YWHAZ: variants seen among roughly 807,000 people sequenced by gnomAD.
The protein encoded by YWHAZ is tyrosine 3-monooxygenase/tryptophan 5-monooxygenase activation protein zeta, also known as 14-3-3 protein zeta/delta.
For missense variants in YWHAZ, 79 were observed against 284.8 expected (o/e 0.28, Z 5.20); for synonymous variants, 87 against 103.6 (o/e 0.84, Z 0.97).
Position 100,927,130 on chromosome 8 carries a change from A to G in YWHAZ, c.295-2091T>C, listed in dbSNP as rs143794099. On this transcript the variant is annotated intron_variant, in intron 2 of 5. Coordinates refer to ENST00000395958, the MANE Select transcript of YWHAZ (RefSeq NM_145690.3). ...TTAAAATTTTATTTCTATTATCACA[A>G]TAACACCAGACACCATGCTAGAAGC... Among the ~76,000 whole-genome samples, 551 of 152,374 alleles carry G rather than the reference A, an allele frequency of 3.6e-3. 6 individuals are homozygous for G. The highest frequency in any genetic ancestry group is 0.012 in the African/African-American group (519 of 41,586).
At chr8:100,932,425 G>C (rs982953014) in intron 2 of YWHAZ, among the ~76,000 whole-genome samples, 1 of 151,814 alleles carries the variant, frequency 6.6e-6, no homozygotes, top group Admixed American at 6.6e-5. Context: ...TCTATAAATA[G>C]GTACATTTTC....
intron 2 of YWHAZ, among the ~76,000 whole-genome samples, chr8:100,931,826 T>C (rs1208886056): frequency 1.3e-5 from 2 of 152,160 alleles, no homozygotes; most frequent in African/African-American, 4.8e-5. Context: ...ATTTTGGCTT[T>C]GGTAATCTAA....
At chr8:100,951,640 T>A (rs888587922) in intron 1 of YWHAZ, 55 of 984,726 alleles carry the variant, frequency 5.6e-5, no homozygotes, top group Non-Finnish European at 6.5e-5. Flanking sequence ...CCCAGGGATC[T>A]CGCGTGTGGG....
In YWHAZ at chr8:100,931,563, T is replaced by C. The variant is rs866319201; in HGVS notation, c.295-6524A>G. The stretch of plus-strand genomic sequence containing the variant: ...TATAAACTCTAAAACCAGGCAGACT[T>C]GAAATTCCACCCTAACCCATTAATT... On this transcript the variant is annotated intron_variant, in intron 2 of 5. Transcript: ENST00000395958. Among the ~76,000 whole-genome samples the C allele has an allele frequency of 6.2e-4, 95 of 152,176 alleles. 1 individual carries two copies. The highest frequency in any genetic ancestry group is 7.9e-4 in the Admixed American group (12 of 15,280).
chr8:100,950,321 A>G lies in YWHAZ; in HGVS notation c.-11-1421T>C, dbSNP rs1036928377. The G allele has an allele frequency of 7.3e-6, 7 of 956,098 alleles. No homozygotes were observed. The East Asian group carries it at 5.7e-4, about 78-fold the overall frequency. The allele number at this position is 956,098 out of a possible 1,614,324, so 59.2% of individuals were successfully genotyped here. A position where few individuals can be genotyped will look rare whatever the true frequency, so the allele number is the denominator to read the frequency against. ...ATCACTTCGGTACAAGAGGAAGTGG[A>G]TAAGGTTTCTCACACAGTAACGAGT... On this transcript the variant is annotated intron_variant, in intron 1 of 5. Transcript: ENST00000395958.
Position 100,948,077 on chromosome 8 carries a change from C to G in YWHAZ, c.294+519G>C, listed in dbSNP as rs1810439621. ...ATGGTTGTGAGTGTTCAAAATTTAC[C>G]TTCAAGAATTCAATGCAGGAAGAGG... On this transcript the variant is annotated intron_variant, in intron 2 of 5. Coordinates refer to ENST00000395958, the MANE Select transcript of YWHAZ (RefSeq NM_145690.3). The surrounding 1 kb of genome is among the most constrained non-coding windows in gnomAD (Gnocchi z 4.2). 1.3e-6 allele frequency: 2 copies of G among 1,532,736 alleles called. No homozygotes were observed. Among genetic ancestry groups the G allele is most frequent in the Non-Finnish European group, 1.7e-6 (2 of 1,145,778 alleles). The allele number at this position is 1,532,736 out of a possible 1,614,324, so 94.9% of individuals were successfully genotyped here. A position where few individuals can be genotyped will look rare whatever the true frequency, so the allele number is the denominator to read the frequency against.
intron 2 of YWHAZ, among the ~76,000 whole-genome samples, chr8:100,928,739 G>GA (rs150237761): frequency 0.013 from 1,454 of 112,128 alleles, 24 homozygotes; most frequent in African/African-American, 0.04. Context: ...GTCTTAAAAA[G>GA]AAAAAAAAAA....
upstream of YWHAZ, chr8:100,952,961 G>A (rs117605232): frequency 6.2e-4 from 621 of 1,000,664 alleles, 12 homozygotes; most frequent in East Asian, 0.047. Flanking sequence ...TCGAGAGCGC[G>A]GGATCTGCGC....
chr8:100,951,537 G>A, intron 1 of YWHAZ: 4 of 985,570 alleles, frequency 4.1e-6, no homozygotes, highest in African/African-American at 1.7e-5. Flanking sequence ...GGGAGGGGGT[G>A]GAAGCCCGCA....
intron 2 of YWHAZ, among the ~76,000 whole-genome samples, chr8:100,925,857 A>G (rs1813325902): frequency 6.6e-6 from 1 of 152,220 alleles, no homozygotes. Context: ...AGAAGTCTCA[A>G]TAAATGTGTA....
intron 1 of YWHAZ, chr8:100,950,617 G>A (rs565384130): frequency 2.0e-6 from 2 of 985,780 alleles, no homozygotes; most frequent in South Asian, 4.7e-5. Context: ...CCCCCGACCG[G>A]AGCCAGAGGG....
intron 1 of YWHAZ, among the ~76,000 whole-genome samples, chr8:100,950,038 C>T (rs1176729105): frequency 6.6e-6 from 1 of 152,198 alleles, no homozygotes; most frequent in African/African-American, 2.4e-5. Flanking sequence ...TATTAATCAT[C>T]TTTTACCTTC....
At chr8:100,949,441 C>T (rs1330574109) in intron 1 of YWHAZ, among the ~76,000 whole-genome samples, 8 of 152,110 alleles carry the variant, frequency 5.3e-5, no homozygotes, top group Non-Finnish European at 7.4e-5. Flanking sequence ...TACCCCAAAC[C>T]TACTAGATCT....
At chr8:100,939,430 C>T (rs570789034) in intron 2 of YWHAZ, among the ~76,000 whole-genome samples, 37 of 152,136 alleles carry the variant, frequency 2.4e-4, no homozygotes, top group Middle Eastern at 3.4e-3. Context: ...GAGGCCGAGG[C>T]GGGTGGATCA....
chr8:100,950,557 T>A (rs891436763), intron 1 of YWHAZ: 13 of 985,270 alleles, frequency 1.3e-5, no homozygotes, highest in Middle Eastern at 5.2e-4. Flanking sequence ...TCCTTTGTCA[T>A]GGCGGATCTG....
rs1225784748 is a variant in YWHAZ at position 100,918,611 on chromosome 8, G to A, written c.*2082C>T. ...ACTTTTATTTGAATGTAATATTTGGGACAATTATTCAAAAGGGCCAATATT... is the reference window on the plus strand; with the variant it reads ...ACTTTTATTTGAATGTAATATTTGGAACAATTATTCAAAAGGGCCAATATT... On this transcript the variant is annotated 3_prime_UTR_variant, in exon 6 of 6. Coordinates refer to ENST00000395958, the MANE Select transcript of YWHAZ (RefSeq NM_145690.3). The A allele has an allele frequency of 5.3e-5, 8 of 150,962 alleles. No individual in the cohort carries two copies. Among genetic ancestry groups the A allele is most frequent in the Admixed American group, 6.6e-5 (1 of 15,142 alleles). The allele number at this position is 150,962 out of a possible 1,614,324, so 9.4% of individuals were successfully genotyped here. A position where few individuals can be genotyped will look rare whatever the true frequency, so the allele number is the denominator to read the frequency against.
chr8:100,953,347 G>T (rs1810931615), upstream of YWHAZ: 1 of 985,598 alleles, frequency 1.0e-6, no homozygotes. Context: ...TGGGCCACAG[G>T]CCGGGTGATG....
rs1241574857 is a variant in YWHAZ at position 100,919,346 on chromosome 8, A to G, written c.*1347T>C. 13 of 152,686 alleles carry G rather than the reference A, an allele frequency of 8.5e-5. No homozygotes were observed. The highest frequency in any genetic ancestry group is 2.4e-5 in the African/African-American group (1 of 41,472). 9.5% of individuals were successfully genotyped at this position (152,686 alleles called of 1,614,324 possible). A position where few individuals can be genotyped will look rare whatever the true frequency, so the allele number is the denominator to read the frequency against. On this transcript the variant is annotated 3_prime_UTR_variant, in exon 6 of 6. Transcript: ENST00000395958. The stretch of plus-strand genomic sequence containing the variant: ...CAAAACTTACAGTTAATGCTACCCA[A>G]TGTCATGATGGGCCAAGAACATTGT...
At chr8:100,938,541 T>C (rs138428341) in intron 2 of YWHAZ, among the ~76,000 whole-genome samples, 171 of 152,360 alleles carry the variant, frequency 1.1e-3, no homozygotes, top group Non-Finnish European at 1.9e-3. Flanking sequence ...TCCTCATTAA[T>C]AGATTTAATT....
Sources: allele counts gnomAD v4.1 joint callset (sites outside exome capture counted in the v4.1 genomes callset), GRCh38; gene constraint gnomAD v4.1.1; non-coding constraint Gnocchi (gnomAD v3.1); transcripts MANE v1.5; gene names NCBI Gene and HGNC (gene_info 2026-07-23, HGNC 2026-07-21).